SLC6A6: variants seen among roughly 807,000 people sequenced by gnomAD.
SLC6A6 encodes the protein solute carrier family 6 member 6.
SLC6A6 carries 16 observed loss-of-function variants against 68.8 expected under a neutral mutation model. The observed-to-expected ratio is 0.23, with a 90% CI of 0.16 to 0.35. The LOEUF is 0.35. Ranked by LOEUF, SLC6A6 falls within the 10% of genes least tolerant of loss-of-function variation. The pLI is 1.00. For missense variants in SLC6A6, 474 were observed against 802.8 expected, an observed-to-expected ratio of 0.59 and a Z score of 4.95; for synonymous variants, 312 against 315.4, an observed-to-expected ratio of 0.99 and a Z score of 0.12.
chr3:14,459,666 G>A (rs12489456), intron 6 of SLC6A6, among the ~76,000 whole-genome samples: 22,034 of 151,972 alleles, frequency 0.14, 2,034 homozygotes, highest in East Asian at 0.38. Context: ...GTGCTACCCC[G>A]GTTCTCTGTC....
At chr3:14,455,018 G>A (rs1293031255) in intron 5 of SLC6A6, among the ~76,000 whole-genome samples, 1 of 152,178 alleles carries the variant, frequency 6.6e-6, no homozygotes, top group Non-Finnish European at 1.5e-5. Flanking sequence ...CAGTTTACAA[G>A]CTCCTCTTGA....
intron 3 of SLC6A6, chr3:14,444,484 C>T (rs945124009): frequency 8.1e-6 from 2 of 246,988 alleles, no homozygotes; most frequent in South Asian, 4.5e-5. Flanking sequence ...CTGAAGGCTC[C>T]GAGCAGGAAC....
chr3:14,403,981 G>A (rs1214905310), intron 1 of SLC6A6, among the ~76,000 whole-genome samples: 2 of 152,196 alleles, frequency 1.3e-5, no homozygotes, highest in Non-Finnish European at 2.9e-5. Context: ...AGCCCCAAAA[G>A]CTTGGGAGGC....
intron 2 of SLC6A6, among the ~76,000 whole-genome samples, chr3:14,440,866 TGAG>T (rs1414312882): frequency 6.6e-6 from 1 of 151,884 alleles, no homozygotes; most frequent in African/African-American, 2.4e-5. Flanking sequence ...ACCTTAGAAA[TGAG>T]GAGTTGGGAG....
At chr3:14,438,941 A>G (rs1322516576) in intron 2 of SLC6A6, among the ~76,000 whole-genome samples, 1 of 152,202 alleles carries the variant, frequency 6.6e-6, no homozygotes, top group East Asian at 1.9e-4. Context: ...GTTGCCCAGG[A>G]AAAATAGAGG....
chr3:14,433,711 C>T (rs1014061862), intron 2 of SLC6A6, among the ~76,000 whole-genome samples: 1 of 145,118 alleles, frequency 6.9e-6, no homozygotes, highest in African/African-American at 2.6e-5. Flanking sequence ...GGCTGAGAAA[C>T]GAGAATCTCT....
intron 7 of SLC6A6, 151 bp downstream of exon 7, chr3:14,466,801 A>G (rs1465069996): frequency 6.3e-6 from 4 of 632,414 alleles, no homozygotes; most frequent in African/African-American, 5.5e-5. Flanking sequence ...GTACTTTTCC[A>G]CCGGGCCTGT....
intron 6 of SLC6A6, among the ~76,000 whole-genome samples, chr3:14,462,672 A>G (rs1374522934): frequency 1.3e-5 from 2 of 152,134 alleles, no homozygotes; most frequent in Non-Finnish European, 2.9e-5. Flanking sequence ...GCACTCTAGC[A>G]TGGGCGACAG....
chr3:14,447,638 A>C lies in SLC6A6; in HGVS notation c.421A>C (p.Ile141Leu). 6.2e-7 allele frequency: 1 copy of C among 1,614,236 alleles called. No individual in the cohort carries two copies. Among genetic ancestry groups the C allele is most frequent in the Non-Finnish European group, 8.5e-7 (1 of 1,180,044 alleles). ...CCTCCTGAATGTCTACTACATCGTC[A>C]TCCTGGCCTGGGCCACATACTACCT... is the stretch of plus-strand genomic sequence containing the variant. Reference protein sequence around the residue: ...VSLLNVYYIVILAWATYYLFQ... With the variant: ...VSLLNVYYIVLLAWATYYLFQ... The change falls in exon 5 of 15, where the codon ATC becomes CTC. Residue 141 changes from isoleucine (I) to leucine (L), a missense_variant. By Grantham distance (5) the Ile-to-Leu change is conservative (BLOSUM62 2). Coordinates refer to ENST00000622186, the MANE Select transcript of SLC6A6 (RefSeq NM_003043.6).
chr3:14,439,387 C>G (rs1233725258), intron 2 of SLC6A6, among the ~76,000 whole-genome samples: 1 of 152,194 alleles, frequency 6.6e-6, no homozygotes, highest in African/African-American at 2.4e-5. Context: ...GATATTGTGG[C>G]AAGCCATGGC....
chr3:14,473,871 C>A (rs745345548), intron 10 of SLC6A6, among the ~76,000 whole-genome samples: 7 of 152,202 alleles, frequency 4.6e-5, no homozygotes, highest in Non-Finnish European at 8.8e-5. Context: ...GGCATGACAT[C>A]TTCATGGGCC....
At chr3:14,431,807 G>A (rs961263965) in intron 2 of SLC6A6, among the ~76,000 whole-genome samples, 1 of 152,170 alleles carries the variant, frequency 6.6e-6, no homozygotes, top group Non-Finnish European at 1.5e-5. Context: ...TGGGGCGGAG[G>A]TAGGAAGGAA....
At chr3:14,444,479 G>A (rs1700065987) in intron 3 of SLC6A6, 1 of 242,946 alleles carries the variant, frequency 4.1e-6, no homozygotes, top group African/African-American at 2.2e-5. Flanking sequence ...GCCTGCTGAA[G>A]GCTCCGAGCA....
At chr3:14,404,837 G>A (rs1317846884) in intron 1 of SLC6A6, among the ~76,000 whole-genome samples, 4 of 152,230 alleles carry the variant, frequency 2.6e-5, no homozygotes, top group Non-Finnish European at 4.4e-5. Flanking sequence ...GGGCCAAGGT[G>A]CATTCTGGAG....
At chr3:14,436,399 C>T (rs1035660380) in intron 2 of SLC6A6, among the ~76,000 whole-genome samples, 1 of 151,962 alleles carries the variant, frequency 6.6e-6, no homozygotes, top group Non-Finnish European at 1.5e-5. Context: ...AGACAGGGTC[C>T]AAATGTGTTG....
intron 2 of SLC6A6, among the ~76,000 whole-genome samples, chr3:14,436,256 G>A (rs1699848580): frequency 6.6e-6 from 1 of 152,070 alleles, no homozygotes; most frequent in Non-Finnish European, 1.5e-5. Flanking sequence ...CCTGGAGTGA[G>A]GTGGCATGAT....
At chr3:14,452,125 C>T (rs1700265741) in intron 5 of SLC6A6, among the ~76,000 whole-genome samples, 1 of 152,182 alleles carries the variant, frequency 6.6e-6, no homozygotes, top group African/African-American at 2.4e-5. Context: ...GTTGACCCTC[C>T]CTGCCAGCCC....
chr3:14,482,975 A>G (rs568902622), intron 14 of SLC6A6, among the ~76,000 whole-genome samples: 1 of 152,306 alleles, frequency 6.6e-6, no homozygotes, highest in South Asian at 2.1e-4. Flanking sequence ...CTTACTGTCC[A>G]GAAGCCAAAG....
At chr3:14,474,190 TGGG>T (rs1700818943) in intron 10 of SLC6A6, among the ~76,000 whole-genome samples, 1 of 152,136 alleles carries the variant, frequency 6.6e-6, no homozygotes. Flanking sequence ...ATCGCACAGG[TGGG>T]GCTTCCTCCT....
Sources: allele counts gnomAD v4.1 joint callset (sites outside exome capture counted in the v4.1 genomes callset), GRCh38; gene constraint gnomAD v4.1.1; transcripts MANE v1.5; gene names NCBI Gene and HGNC (gene_info 2026-07-23, HGNC 2026-07-21).